The following ZFP62 variants were observed in gnomAD, a reference collection of about 807,000 sequenced individuals.
ZFP62 encodes the protein ZFP62 zinc finger protein, also known as zinc finger protein 62 homolog.
ZFP62 carries 44 observed loss-of-function variants against 56.4 expected under a neutral mutation model. The ratio of observed to expected loss-of-function variants is 0.78; its 90% CI spans 0.61 to 1.00. The LOEUF (loss-of-function observed/expected upper bound fraction) is 1.00, where lower values mean the gene tolerates loss of function less well. Ranked by LOEUF, ZFP62 falls within the 50% of genes least tolerant of loss-of-function variation. The pLI is 0.00. For missense variants in ZFP62, 1,030 were observed against 1,085.7 expected (o/e 0.95, Z 0.72); for synonymous variants, 421 against 388.9 (o/e 1.08, Z -0.97).
At chr5:180,836,445 C>T in the ZFP62 span, among the ~76,000 whole-genome samples, 1 of 152,186 alleles carries the variant, frequency 6.6e-6, no homozygotes, top group African/African-American at 2.4e-5. Flanking sequence ...AGTCTTCACA[C>T]AGTGTTCTCC....
chr5:180,850,142 A>G lies in ZFP62; in HGVS notation c.1353T>C (p.Cys451=). 6.4e-7 allele frequency: 1 copy of G among 1,551,780 alleles called. No individual in the cohort carries two copies. The highest frequency in any genetic ancestry group is 8.7e-7 in the Non-Finnish European group (1 of 1,147,022). ...TIHTGERPYV[C]DVCGKTFRNN... Reference sequence around the variant, plus strand: ...TTCTGAACGTTTTCCCACACACATCACATACATAAGGTCTCTCTCCGGTAT... The same window carrying G: ...TTCTGAACGTTTTCCCACACACATCGCATACATAAGGTCTCTCTCCGGTAT... The change falls in exon 2 of 2, where the codon TGT becomes TGC. Residue 451 remains cysteine (C), a synonymous_variant. Transcript: ENST00000502412.
the ZFP62 span, chr5:180,834,630 T>G: frequency 6.6e-6 from 1 of 151,076 alleles, no homozygotes; most frequent in East Asian, 2.0e-4. Flanking sequence ...GTGTGTTGTT[T>G]AAGCCACCCA....
chr5:180,848,738 TTCA>T lies in ZFP62; in HGVS notation c.*51_*53del. 3 of 1,459,786 alleles carry T rather than the reference TTCA, an allele frequency of 2.1e-6. No individual in the cohort carries two copies. Among genetic ancestry groups the T allele is most frequent in the Non-Finnish European group, 2.7e-6 (3 of 1,103,082 alleles). 90.4% of individuals were successfully genotyped at this position (1,459,786 alleles called of 1,614,324 possible). On this transcript the variant is annotated 3_prime_UTR_variant, in exon 2 of 2. Coordinates refer to ENST00000502412, the MANE Select transcript of ZFP62 (RefSeq NM_001172638.2). ...AGCCATGACCCCCTACATTCTTACA[TTCA>T]TAAGGTATTTCTTCCATTTGAGTTC...
Position 180,847,636 on chromosome 5 carries a change from G to A in ZFP62, c.*1156C>T. The A allele has an allele frequency of 2.0e-6, 2 of 985,348 alleles. No homozygotes were observed. The highest frequency in any genetic ancestry group is 2.4e-6 in the Non-Finnish European group (2 of 829,902). 61.0% of individuals were successfully genotyped at this position (985,348 alleles called of 1,614,324 possible). Reference sequence around the variant, plus strand: ...TTTTGATTTAAGGAATTTCTTTATTGGAATTCCACTTTACCTCGCCACAAG... The same window carrying A: ...TTTTGATTTAAGGAATTTCTTTATTAGAATTCCACTTTACCTCGCCACAAG... On this transcript the variant is annotated 3_prime_UTR_variant, in exon 2 of 2. Coordinates refer to ENST00000502412, the MANE Select transcript of ZFP62 (RefSeq NM_001172638.2).
rs1238988063 is a variant in ZFP62, at chr5:180,851,497, A to C, written c.2-4T>G. On this transcript the variant is annotated splice_polypyrimidine_tract_variant and splice_region_variant and intron_variant, in intron 1 of 1. Coordinates refer to ENST00000502412, the MANE Select transcript of ZFP62 (RefSeq NM_001172638.2). ...GTGCTCGTCTTCAAATGTGACACTA[A>C]ACCAAGAAAATGAAAAGGACACCTA... 2 of 1,518,990 alleles carry C rather than the reference A, an allele frequency of 1.3e-6. No individual in the cohort carries two copies. Among genetic ancestry groups the C allele is most frequent in the Non-Finnish European group, 1.8e-6 (2 of 1,133,468 alleles). The allele number at this position is 1,518,990 out of a possible 1,614,324, so 94.1% of individuals were successfully genotyped here. A position where few individuals can be genotyped will look rare whatever the true frequency, so the allele number is the denominator to read the frequency against.
the ZFP62 span, among the ~76,000 whole-genome samples, chr5:180,837,855 T>G: frequency 1.3e-5 from 2 of 152,098 alleles, no homozygotes; most frequent in East Asian, 3.9e-4. Flanking sequence ...GAAGGGATGT[T>G]CACGAGAAGG....
chr5:180,850,691 G>A lies in ZFP62; in HGVS notation c.804C>T (p.Leu268=). ...CGKAFRNSSG[L]RVHKRIHTGE... ...CCGTGTGGATCCTTTTGTGGACTCT[G>A]AGCCCAGAGCTGTTCCTGAAGGCCT... Residue 268 remains leucine (L), a synonymous_variant, in exon 2 of 2, where the codon CTC becomes CTT. Transcript: ENST00000502412. 2 of 1,598,874 alleles carry A rather than the reference G, an allele frequency of 1.3e-6. No individual in the cohort carries two copies. Among genetic ancestry groups the A allele is most frequent in the African/African-American group, 1.3e-5 (1 of 74,138 alleles).
the ZFP62 span, among the ~76,000 whole-genome samples, chr5:180,827,560 G>A: frequency 5.6e-3 from 855 of 152,318 alleles, 10 homozygotes; most frequent in African/African-American, 0.02. Flanking sequence ...CAAACACTGC[G>A]GAAGGCCGCA....
intron 1 of ZFP62, among the ~76,000 whole-genome samples, chr5:180,859,013 A>G (rs2113723421): frequency 6.6e-6 from 1 of 152,292 alleles, no homozygotes; most frequent in Admixed American, 6.5e-5. Context: ...AGGCCTAGAA[A>G]AGTGAATGCA....
rs1773575114 is a variant in ZFP62, at chr5:180,849,668, T to C, written c.1827A>G (p.Lys609=). Reference sequence around the variant, plus strand: ...TGTAGGGCTTCTCCCCAAGATGAACTTTTTTGTGGTTTGTAAGGGTTCGGT... The same window carrying C: ...TGTAGGGCTTCTCCCCAAGATGAACCTTTTTGTGGTTTGTAAGGGTTCGGT... ...ITYRTLTNHK[K]VHLGEKPYKC... The change falls in exon 2 of 2, where the codon AAA becomes AAG. Residue 609 remains lysine, a synonymous_variant. Transcript: ENST00000502412. 1 of 1,551,416 alleles carries C rather than the reference T, an allele frequency of 6.4e-7. No individual in the cohort carries two copies. The highest frequency in any genetic ancestry group is 1.4e-5 in the African/African-American group (1 of 72,886).
At chr5:180,845,326 TAAAAAAAAAAAAAAAAAAAAAAAA>T, downstream of ZFP62, among the ~76,000 whole-genome samples, 1 of 32,828 alleles carries the variant, frequency 3.0e-5, no homozygotes, top group East Asian at 1.9e-3. Flanking sequence ...GAGACCGTCT[TAAAAAAAAAAAAAAAAAAAAAAAA>T]AAAAAAAAAA....
At chr5:180,828,502 GATTTT>G in the ZFP62 span, among the ~76,000 whole-genome samples, 55 of 152,298 alleles carry the variant, frequency 3.6e-4, no homozygotes, top group Non-Finnish European at 6.9e-4. Flanking sequence ...AAATTGTGAA[GATTTT>G]ATTTTAATAT....
chr5:180,851,055 CCACATTCAT>C lies in ZFP62; in HGVS notation c.431_439del (p.Asp144_Cys146del). 1 of 1,551,706 alleles carries C rather than the reference CCACATTCAT, an allele frequency of 6.4e-7. No individual in the cohort carries two copies. Among genetic ancestry groups the C allele is most frequent in the Non-Finnish European group, 8.7e-7 (1 of 1,146,986 alleles). On this transcript the variant is annotated inframe_deletion, in exon 2 of 2. Transcript: ENST00000502412. ...GCGGGAATTATATTTGAAGGATTTC[CCACATTCAT>C]CACATTTATGTAATTTCTTAACAGC...
chr5:180,849,009 TG>T lies in ZFP62; in HGVS notation c.2485del (p.Gln829SerfsTer40), dbSNP rs1462245693. On this transcript the variant is annotated frameshift_variant, in exon 2 of 2. Transcript: ENST00000502412. LOFTEE classifies it high-confidence loss of function. ...CTTTCCAGTGTGGATCCTTTTGTGCTGGTCAAGGACTGATCTATAATTGAAG... is the reference window on the plus strand; with the variant it reads ...CTTTCCAGTGTGGATCCTTTTGTGCTGTCAAGGACTGATCTATAATTGAAG... ...KSFNYRSVLD[Q>X]HKRIHTGKKP... The T allele has an allele frequency of 1.9e-6, 3 of 1,551,798 alleles. No individual in the cohort carries two copies. The Admixed American group carries it at 5.9e-5, about 30-fold the overall frequency.
At chr5:180,846,439 C>T (rs1189560315), downstream of ZFP62, among the ~76,000 whole-genome samples, 2 of 152,230 alleles carry the variant, frequency 1.3e-5, no homozygotes, top group African/African-American at 4.8e-5. Flanking sequence ...ACAACCAAAG[C>T]TGGTCTCATC....
chr5:180,856,978 A>AT lies in ZFP62; in HGVS notation c.1+4240_1+4241insA, dbSNP rs1388771811. ...AAAAAAAAAAAAAAAAAAAAAAAAA[A>AT]GCAAATACAGGACATGGAGGGTGGG... On this transcript the variant is annotated intron_variant, in intron 1 of 1. Coordinates refer to ENST00000502412, the MANE Select transcript of ZFP62 (RefSeq NM_001172638.2). Among the ~76,000 whole-genome samples the AT allele has an allele frequency of 7.4e-4, 96 of 129,844 alleles. 9 individuals are homozygous for AT. Among genetic ancestry groups the AT allele is most frequent in the African/African-American group, 2.7e-3 (92 of 34,046 alleles). The allele number at this position is 129,844 out of a possible 152,430, so 85.2% of individuals were successfully genotyped here. A position where few individuals can be genotyped will look rare whatever the true frequency, so the allele number is the denominator to read the frequency against.
rs35177299 is a variant in ZFP62 at position 180,858,090 on chromosome 5, T to TAAA, written c.1+3126_1+3128dup. On this transcript the variant is annotated intron_variant, in intron 1 of 1. Coordinates refer to ENST00000502412, the MANE Select transcript of ZFP62 (RefSeq NM_001172638.2). ...CAACATGGTGAAACCCCATCTCTACTAAAAAAAAAAAAAAAAATTAGCTGG... is the reference window on the plus strand; with the variant it reads ...CAACATGGTGAAACCCCATCTCTACTAAAAAAAAAAAAAAAAAAAATTAGCTGG... Among the ~76,000 whole-genome samples the TAAA allele has an allele frequency of 2.8e-3, 362 of 127,704 alleles. 1 individual carries two copies. Among genetic ancestry groups the TAAA allele is most frequent in the East Asian group, 5.4e-3 (23 of 4,262 alleles). The allele number at this position is 127,704 out of a possible 152,430, so 83.8% of individuals were successfully genotyped here. A position where few individuals can be genotyped will look rare whatever the true frequency, so the allele number is the denominator to read the frequency against.
chr5:180,828,413 A>G, the ZFP62 span, among the ~76,000 whole-genome samples: 1 of 152,210 alleles, frequency 6.6e-6, no homozygotes, highest in African/African-American at 2.4e-5. Context: ...CTCCACCTTC[A>G]TCTATTTGAG....
At chr5:180,838,029 T>C in the ZFP62 span, among the ~76,000 whole-genome samples, 1 of 152,208 alleles carries the variant, frequency 6.6e-6, no homozygotes, top group African/African-American at 2.4e-5. Context: ...TAAACATTTA[T>C]TGAAGCTAGG....
Sources: allele counts gnomAD v4.1 joint callset (sites outside exome capture counted in the v4.1 genomes callset), GRCh38; gene constraint gnomAD v4.1.1; transcripts MANE v1.5; gene names NCBI Gene and HGNC (gene_info 2026-07-23, HGNC 2026-07-21).